TPX2: variants seen among roughly 807,000 people sequenced by gnomAD.
TPX2 encodes TPX2 microtubule nucleation factor, also known as targeting protein for Xklp2.
In TPX2, 21 loss-of-function variants were observed where a neutral mutation model predicts 93.6. That is an observed-to-expected ratio of 0.22 (90% confidence interval 0.16 to 0.32). The LOEUF (loss-of-function observed/expected upper bound fraction) is 0.32, where lower values mean the gene tolerates loss of function less well. TPX2 is among the 10% of genes least tolerant of loss of function. TPX2 has a pLI of 1.00. For synonymous variants in TPX2, 281 were observed against 298.3 expected, an observed-to-expected ratio of 0.94 and a Z score of 0.60; for missense variants, 776 against 871.1, an observed-to-expected ratio of 0.89 and a Z score of 1.37.
chr20:31,790,842 A>T (rs910589626), intron 12 of TPX2, among the ~76,000 whole-genome samples: 61 of 152,322 alleles, frequency 4.0e-4, no homozygotes, highest in African/African-American at 1.2e-3. Flanking sequence ...TGAACATCTA[A>T]ATAAATAAGT....
intron 5 of TPX2, among the ~76,000 whole-genome samples, chr20:31,769,532 T>G (rs6089065): frequency 0.99 from 149,961 of 152,044 alleles, 73,963 homozygotes; most frequent in East Asian, 1. Context: ...CACCATGTTA[T>G]CCAGGATGGT....
intron 2 of TPX2, among the ~76,000 whole-genome samples, chr20:31,749,822 G>GT (rs1230894279): frequency 8.6e-5 from 13 of 151,840 alleles, no homozygotes; most frequent in Non-Finnish European, 1.5e-5. Flanking sequence ...GTTAATAGCT[G>GT]TTTTTATTTT....
intron 7 of TPX2, among the ~76,000 whole-genome samples, chr20:31,774,839 A>G (rs754691239): frequency 4.6e-5 from 7 of 152,170 alleles, no homozygotes; most frequent in East Asian, 1.9e-4. Flanking sequence ...TCTTGGGCTC[A>G]AGCAATATTT....
chr20:31,782,399 C>T lies in TPX2; in HGVS notation c.1196+9C>T. 1 of 1,602,888 alleles carries T rather than the reference C, an allele frequency of 6.2e-7. No homozygotes were observed. The highest frequency in any genetic ancestry group is 8.5e-7 in the Non-Finnish European group (1 of 1,174,898). On this transcript the variant is annotated intron_variant, in intron 11 of 17. Coordinates refer to ENST00000300403, the MANE Select transcript of TPX2 (RefSeq NM_012112.5). ...CTCGAGAAATTGCAACAGTAAGTCC[C>T]ACTGGCAGTATCTGAGGAAGAGTTC...
Position 31,776,050 on chromosome 20 carries a change from G to GT in TPX2, c.730+103dup, listed in dbSNP as rs10528470. The GT allele has an allele frequency of 4.1e-4, 136 of 331,408 alleles. 26 individuals carry two copies. The highest frequency in any genetic ancestry group is 1.2e-3 in the East Asian group (4 of 3,208). 20.5% of individuals were successfully genotyped at this position (331,408 alleles called of 1,614,324 possible). On this transcript the variant is annotated intron_variant, in intron 8 of 17. Transcript: ENST00000300403. The stretch of plus-strand genomic sequence containing the variant: ...GTGGTTCTTAACACTCTTGGTAGGT[G>GT]TTTTTTTTTTTTTTTTTTTTTTTTT...
intron 2 of TPX2, among the ~76,000 whole-genome samples, chr20:31,753,359 G>A (rs1422798708): frequency 2.0e-5 from 3 of 152,092 alleles, no homozygotes; most frequent in Non-Finnish European, 4.4e-5. Flanking sequence ...TTCTAGGTTG[G>A]GAATAATTGC....
intron 12 of TPX2, among the ~76,000 whole-genome samples, chr20:31,788,285 G>A (rs2062079700): frequency 1.3e-5 from 2 of 152,050 alleles, no homozygotes; most frequent in South Asian, 2.1e-4. Flanking sequence ...GGGCGTGGTG[G>A]CAGGCACCTG....
rs2062171731 is a variant in TPX2, at chr20:31,801,450, T to A, written c.*370T>A. On this transcript the variant is annotated 3_prime_UTR_variant, in exon 18 of 18. Transcript: ENST00000300403. ...TTACGACTCTCACCCTCTCCCCACT[T>A]TTTTTAAAAATTTTAACCAGAAAAT... 6.0e-6 allele frequency: 1 copy of A among 165,654 alleles called. No homozygotes were observed. Among genetic ancestry groups the A allele is most frequent in the Non-Finnish European group, 1.3e-5 (1 of 77,178 alleles). The allele number at this position is 165,654 out of a possible 1,614,324, so 10.3% of individuals were successfully genotyped here.
chr20:31,748,120 T>A (rs1033385713), intron 2 of TPX2, among the ~76,000 whole-genome samples: 3 of 152,116 alleles, frequency 2.0e-5, no homozygotes, highest in African/African-American at 4.8e-5. Flanking sequence ...GAGGGGATGG[T>A]CTCCTGAGTT....
chr20:31,768,524 C>T (rs1227135555), intron 5 of TPX2, among the ~76,000 whole-genome samples: 1 of 151,824 alleles, frequency 6.6e-6, no homozygotes, highest in East Asian at 1.9e-4. Context: ...GGATTACAGG[C>T]GTGAGCCACT....
chr20:31,783,952 G>C, intron 12 of TPX2, 31 bp downstream of exon 12: 2 of 1,609,130 alleles, frequency 1.2e-6, no homozygotes, highest in Non-Finnish European at 1.7e-6. Flanking sequence ...GCTGGCAGAA[G>C]TGTACTGCTC....
intron 7 of TPX2, 41 bp from the exon 8 acceptor site, chr20:31,775,826 T>A (rs773330893): frequency 1.4e-6 from 2 of 1,443,578 alleles, no homozygotes; most frequent in South Asian, 3.3e-5. Flanking sequence ...CTGGGTGCCT[T>A]TCTCCTCTCC....
intron 10 of TPX2, among the ~76,000 whole-genome samples, chr20:31,779,400 A>T (rs1441271982): frequency 6.6e-6 from 1 of 152,248 alleles, no homozygotes; most frequent in Non-Finnish European, 1.5e-5. Flanking sequence ...ACACTGTGTT[A>T]GGTATATAGA....
intron 16 of TPX2, among the ~76,000 whole-genome samples, chr20:31,797,918 C>T (rs907482145): frequency 7.2e-5 from 11 of 152,110 alleles, no homozygotes; most frequent in African/African-American, 2.4e-4. Context: ...GGGATTCCAC[C>T]GGGTGTGGTG....
intron 11 of TPX2, among the ~76,000 whole-genome samples, chr20:31,783,017 C>T (rs1465702648): frequency 2.0e-5 from 3 of 152,040 alleles, no homozygotes; most frequent in African/African-American, 7.2e-5. Context: ...AGGTAGATCC[C>T]ACCCTTTTGT....
chr20:31,770,644 A>G (rs541720373), intron 6 of TPX2, among the ~76,000 whole-genome samples, 173 bp downstream of exon 6: 1 of 152,220 alleles, frequency 6.6e-6, no homozygotes, highest in Non-Finnish European at 1.5e-5. Context: ...AACTGTGACC[A>G]TGGTGAGGTG....
chr20:31,800,930 C>CT (rs2062167494), intron 17 of TPX2, 40 bp from the exon 18 acceptor site: 3 of 1,488,436 alleles, frequency 2.0e-6, no homozygotes, highest in Non-Finnish European at 9.4e-7. Flanking sequence ...GCGTAGTTCT[C>CT]TGACATCCCT....
At chr20:31,800,805 T>C (rs146057562) in intron 17 of TPX2, among the ~76,000 whole-genome samples, 165 bp from the exon 18 acceptor site, 1 of 152,274 alleles carries the variant, frequency 6.6e-6, no homozygotes, top group Non-Finnish European at 1.5e-5. Flanking sequence ...CATACACTTT[T>C]CCATCATACC....
intron 12 of TPX2, among the ~76,000 whole-genome samples, chr20:31,786,164 T>G (rs145846887): frequency 2.6e-5 from 4 of 152,244 alleles, no homozygotes; most frequent in Non-Finnish European, 4.4e-5. Flanking sequence ...CATTTTACAG[T>G]TAGGAAACAT....
Sources: allele counts gnomAD v4.1 joint callset (sites outside exome capture counted in the v4.1 genomes callset), GRCh38; gene constraint gnomAD v4.1.1; transcripts MANE v1.5; gene names NCBI Gene and HGNC (gene_info 2026-07-23, HGNC 2026-07-21).